The following PPP1R13B variants were observed in gnomAD, a reference collection of about 807,000 sequenced individuals.
PPP1R13B encodes apoptosis-stimulating of p53 protein 1.
Under a neutral mutation model 119.8 loss-of-function variants are expected in PPP1R13B, and 44 were observed. The observed-to-expected ratio is 0.37, with a 90% CI of 0.29 to 0.47. The LOEUF (loss-of-function observed/expected upper bound fraction) is 0.47, where lower values mean the gene tolerates loss of function less well. Ranked by LOEUF, PPP1R13B falls within the 20% of genes least tolerant of loss-of-function variation. PPP1R13B has a pLI of 0.99. For missense variants in PPP1R13B, 1,227 were observed against 1,413.5 expected, an observed-to-expected ratio of 0.87 and a Z score of 2.12; for synonymous variants, 542 against 561.5, an observed-to-expected ratio of 0.97 and a Z score of 0.49.
intron 9 of PPP1R13B, among the ~76,000 whole-genome samples, chr14:103,744,485 G>C (rs1183121465): frequency 6.6e-6 from 1 of 152,164 alleles, no homozygotes; most frequent in Non-Finnish European, 1.5e-5. Flanking sequence ...AATTACGTTT[G>C]TGTGGCATCT....
Position 103,778,247 on chromosome 14 carries a change from G to A in PPP1R13B, c.354+498C>T, listed in dbSNP as rs2085255599. Among the ~76,000 whole-genome samples the A allele has an allele frequency of 2.8e-5, 4 of 143,078 alleles. No individual in the cohort carries two copies. In the South Asian group the frequency reaches 6.6e-4, roughly 24 times the overall value. 93.9% of individuals were successfully genotyped at this position (143,078 alleles called of 152,430 possible). A position where few individuals can be genotyped will look rare whatever the true frequency, so the allele number is the denominator to read the frequency against. On this transcript the variant is annotated intron_variant, in intron 4 of 16. Transcript: ENST00000202556. ...GGGATTTACAGGCATGAGCCACCAC[G>A]CCTGGCCACATCTGACTTTTTTTTT...
chr14:103,766,422 T>C (rs992599423), intron 4 of PPP1R13B, among the ~76,000 whole-genome samples: 3 of 152,056 alleles, frequency 2.0e-5, no homozygotes, highest in African/African-American at 7.2e-5. Flanking sequence ...GCCAGGATCC[T>C]AGCCACATCT....
At chr14:103,739,234 G>A in intron 12 of PPP1R13B, 1 of 589,292 alleles carries the variant, frequency 1.7e-6, no homozygotes. Context: ...CCTGTCTGAG[G>A]CCTGAGTCCC....
intron 1 of PPP1R13B, among the ~76,000 whole-genome samples, chr14:103,816,563 T>TTTACAG (rs2086285359): frequency 1.3e-5 from 2 of 151,146 alleles, no homozygotes; most frequent in Non-Finnish European, 2.9e-5. Flanking sequence ...GGCACATGCC[T>TTTACAG]GTAATCCCAG....
chr14:103,770,832 C>T (rs2085050306), intron 4 of PPP1R13B, among the ~76,000 whole-genome samples: 3 of 152,056 alleles, frequency 2.0e-5, no homozygotes, highest in Admixed American at 2.0e-4. Flanking sequence ...ACTACAGGGA[C>T]CAAAAATAAA....
Position 103,835,619 on chromosome 14 carries a change from T to TA in PPP1R13B, c.9+11679_9+11680insT, listed in dbSNP as rs1367364096. ...TAATTTTTATTTTTATTTATTTATT[T>TA]TTTTTTTGAGACGGAGTCTCGCTTT... On this transcript the variant is annotated intron_variant, in intron 1 of 16. Transcript: ENST00000202556. Among the ~76,000 whole-genome samples the TA allele has an allele frequency of 4.0e-3, 608 of 151,538 alleles. 7 individuals carry two copies. Among genetic ancestry groups the TA allele is most frequent in the African/African-American group, 0.012 (514 of 41,336 alleles).
intron 1 of PPP1R13B, chr14:103,846,753 A>C (rs1567168998): frequency 6.6e-6 from 3 of 456,320 alleles, no homozygotes; most frequent in Non-Finnish European, 1.3e-5. Flanking sequence ...ACGGAGAACA[A>C]ACCAGTTAAA....
chr14:103,753,239 T>TC lies in PPP1R13B; in HGVS notation c.632-44dup, dbSNP rs748353581. 60 of 1,430,616 alleles carry TC rather than the reference T, an allele frequency of 4.2e-5. No individual in the cohort carries two copies. The African/African-American group carries it at 1.4e-3, about 33-fold the overall frequency. 88.6% of individuals were successfully genotyped at this position (1,430,616 alleles called of 1,614,324 possible). ...AGAAAAGAATAAAAGATTTAGTTGA[T>TC]CCTTTTTTTTTTTCATTTCTATACA... On this transcript the variant is annotated intron_variant, in intron 6 of 16. Coordinates refer to ENST00000202556, the MANE Select transcript of PPP1R13B (RefSeq NM_015316.3).
chr14:103,779,590 C>T (rs553909620), intron 3 of PPP1R13B, among the ~76,000 whole-genome samples: 28 of 147,988 alleles, frequency 1.9e-4, no homozygotes, highest in African/African-American at 3.8e-4. Context: ...GCCTGGGCAA[C>T]GTGGCGAAAA....
At chr14:103,847,796 G>C (rs1025013430), upstream of PPP1R13B, 1 of 226,674 alleles carries the variant, frequency 4.4e-6, no homozygotes, top group Non-Finnish European at 7.3e-6. Context: ...CGCGCAGTGG[G>C]CACCGGTGGC....
Position 103,749,904 on chromosome 14 carries a change from A to G in PPP1R13B, c.859T>C (p.Ser287Pro), listed in dbSNP as rs1405432286. Residue 287 changes from serine (S) to proline (P), a missense_variant, in exon 8 of 17, where the codon TCA (serine) becomes CCA (proline). Ser to Pro is a moderately conservative substitution (Grantham distance 74). Coordinates refer to ENST00000202556, the MANE Select transcript of PPP1R13B (RefSeq NM_015316.3). The part of the protein sequence containing the change: ...IRNQLNQEQN[S>P]KLQQQKELLN... ...AGTTCCTTCTGCTGCTGAAGTTTTG[A>G]ATTTTGTTCCTGGTTAAGTTGGTTA... The G allele has an allele frequency of 6.2e-6, 10 of 1,614,024 alleles. No individual in the cohort carries two copies. Among genetic ancestry groups the G allele is most frequent in the Non-Finnish European group, 8.5e-6 (10 of 1,180,002 alleles).
chr14:103,827,548 G>A (rs955811471), intron 1 of PPP1R13B, among the ~76,000 whole-genome samples: 1 of 151,068 alleles, frequency 6.6e-6, no homozygotes, highest in Admixed American at 6.6e-5. Context: ...GAAAGTTATA[G>A]TATGATATAG....
In PPP1R13B at chr14:103,778,798, G is replaced by T. The variant is rs759732294; in HGVS notation, c.301C>A (p.Arg101=). Residue 101 remains arginine, a synonymous_variant, in exon 4 of 17, where the codon CGA becomes AGA. Transcript: ENST00000202556. ...EQGGRQTQEQ[R]TQRNVINVPG... ...ACATTTATTACATTTCTCTGAGTTC[G>T]TTGCTCTTGGGTCTGACGGCCACCT... 1.2e-6 allele frequency: 2 copies of T among 1,613,790 alleles called. No individual in the cohort carries two copies. The highest frequency in any genetic ancestry group is 1.7e-6 in the Non-Finnish European group (2 of 1,179,870).
At chr14:103,827,851 C>T (rs1410994231) in intron 1 of PPP1R13B, among the ~76,000 whole-genome samples, 3 of 151,964 alleles carry the variant, frequency 2.0e-5, no homozygotes, top group African/African-American at 4.8e-5. Flanking sequence ...GCTACTATTG[C>T]TATTATAAAA....
At chr14:103,848,123 G>A, upstream of PPP1R13B, 2 of 593,790 alleles carry the variant, frequency 3.4e-6, no homozygotes, top group Non-Finnish European at 4.2e-6. Context: ...GCCCCGGCCC[G>A]ACGCCCTTGG....
chr14:103,804,965 T>C (rs914883102), intron 1 of PPP1R13B, among the ~76,000 whole-genome samples: 6 of 152,146 alleles, frequency 3.9e-5, no homozygotes, highest in African/African-American at 1.2e-4. Flanking sequence ...GCCTCCCAAG[T>C]AGCTGGGATT....
rs751611811 is a variant in PPP1R13B, at chr14:103,741,874, A to G, written c.1738T>C (p.Tyr580His). ...GPQTVNSSSI[Y>H]SMYLQQATPP... is the part of the protein sequence containing the mutation. ...GTGGCTTGCTGGAGGTACATGGAGT[A>G]TATGGAACTTGAATTCACTGTCTGG... Residue 580 changes from tyrosine to histidine, a missense_variant, in exon 11 of 17, where the codon TAC (tyrosine) becomes CAC (histidine). Physicochemically the swap from Tyr to His is moderately conservative, Grantham distance 83. Coordinates refer to ENST00000202556, the MANE Select transcript of PPP1R13B (RefSeq NM_015316.3). 2.5e-6 allele frequency: 4 copies of G among 1,614,212 alleles called. No individual in the cohort carries two copies. The highest frequency in any genetic ancestry group is 3.4e-6 in the Non-Finnish European group (4 of 1,180,038).
chr14:103,795,259 C>T (rs2085731973), intron 2 of PPP1R13B, among the ~76,000 whole-genome samples: 1 of 152,082 alleles, frequency 6.6e-6, no homozygotes, highest in Non-Finnish European at 1.5e-5. Context: ...TTGATAAATA[C>T]AACGACAGTA....
intron 3 of PPP1R13B, among the ~76,000 whole-genome samples, chr14:103,781,966 T>C (rs2085346796): frequency 6.6e-6 from 1 of 152,188 alleles, no homozygotes; most frequent in Non-Finnish European, 1.5e-5. Flanking sequence ...GTCTTTTAAC[T>C]GTACAGTGTA....
Sources: allele counts gnomAD v4.1 joint callset (sites outside exome capture counted in the v4.1 genomes callset), GRCh38; gene constraint gnomAD v4.1.1; transcripts MANE v1.5; gene names NCBI Gene and HGNC (gene_info 2026-07-23, HGNC 2026-07-21).